ASB14: variants seen among roughly 807,000 people sequenced by gnomAD.
The protein encoded by ASB14 is ankyrin repeat and SOCS box protein 14.
Under a neutral mutation model 55.6 loss-of-function variants are expected in ASB14, and 63 were observed. That is an observed-to-expected ratio of 1.13 (90% CI 0.92 to 1.40). The LOEUF is 1.40. Ranked by LOEUF, ASB14 falls within the 40% of genes most tolerant of loss-of-function variation. ASB14 has a pLI of 0.00. For missense variants in ASB14, 724 were observed against 710.4 expected (o/e 1.02, Z -0.22); for synonymous variants, 256 against 259.9 (o/e 0.98, Z 0.15).
intron 5 of ASB14, among the ~76,000 whole-genome samples, chr3:57,284,437 A>G (rs552169843): frequency 1.3e-5 from 2 of 152,226 alleles, no homozygotes; most frequent in African/African-American, 4.8e-5. Context: ...CCAGCACTAT[A>G]TATTCTATCA....
chr3:57,280,800 T>G (rs1362956237), intron 6 of ASB14, among the ~76,000 whole-genome samples: 3 of 151,876 alleles, frequency 2.0e-5, no homozygotes, highest in Non-Finnish European at 4.4e-5. Flanking sequence ...AAAAGCCCAC[T>G]TAACTCATAA....
At chr3:57,289,253 T>C (rs1405948867) in intron 2 of ASB14, 130 bp from the exon 3 acceptor site, 1 of 636,002 alleles carries the variant, frequency 1.6e-6, no homozygotes, top group East Asian at 2.9e-5. Context: ...AGGCAATGAC[T>C]GAGGCATAAT....
rs143141887 is a variant in ASB14, at chr3:57,278,894, G to A, written c.914C>T (p.Thr305Met). Reference sequence around the variant, plus strand: ...ACTCTGCTTAATGGCAGCAAGATCCGTAACTGGAATCAGTATCTTTAGAGC... The same window carrying A: ...ACTCTGCTTAATGGCAGCAAGATCCATAACTGGAATCAGTATCTTTAGAGC... Reference protein sequence around the residue: ...LLALKILIPVTDLAAIKQSGI... With the variant: ...LLALKILIPVMDLAAIKQSGI... Residue 305 changes from threonine to methionine, a missense_variant, in exon 8 of 11, where the codon ACG (threonine) becomes ATG (methionine). Coordinates refer to ENST00000487349, the MANE Select transcript of ASB14 (RefSeq NM_001142733.3). 1.8e-4 allele frequency: 286 copies of A among 1,613,296 alleles called. No individual in the cohort carries two copies. Among genetic ancestry groups the A allele is most frequent in the African/African-American group, 3.9e-4 (29 of 74,874 alleles).
chr3:57,276,678 T>C lies in ASB14; in HGVS notation c.1636A>G (p.Met546Val). ...GGGCAGCGCAAATGTAACCGTCCCA[T>C]GCATTTCCGGATCTTTAGGCGGCAC... The part of the protein sequence containing the change: ...HLCRLKIRKC[M>V]GRLHLRCPVF... The change falls in exon 10 of 11, where the codon ATG becomes GTG. Residue 546 changes from methionine (M) to valine (V), a missense_variant. Physicochemically the swap from Met to Val is conservative, Grantham distance 21. Coordinates refer to ENST00000487349, the MANE Select transcript of ASB14 (RefSeq NM_001142733.3). 1 of 1,614,086 alleles carries C rather than the reference T, an allele frequency of 6.2e-7. No individual in the cohort carries two copies. The highest frequency in any genetic ancestry group is 8.5e-7 in the Non-Finnish European group (1 of 1,179,978).
chr3:57,288,163 G>T lies in ASB14; in HGVS notation c.302C>A (p.Thr101Asn). 6.5e-7 allele frequency: 1 copy of T among 1,537,074 alleles called. No homozygotes were observed. The highest frequency in any genetic ancestry group is 1.2e-5 in the South Asian group (1 of 84,046). Residue 101 changes from threonine (T) to asparagine (N), a missense_variant, in exon 4 of 11, where the codon ACC becomes AAC. By Grantham distance (65) the Thr-to-Asn change is moderately conservative. Coordinates refer to ENST00000487349, the MANE Select transcript of ASB14 (RefSeq NM_001142733.3). ...VQLNRKILEI[T>N]LSASDPSLWE... ...AATCAAAGGGAATTTACCGCTTAGG[G>T]TTATTTCCAAAATTTTCCTATTTAA...
At chr3:57,290,083 G>C (rs962317235) in intron 2 of ASB14, among the ~76,000 whole-genome samples, 1 of 152,118 alleles carries the variant, frequency 6.6e-6, no homozygotes, top group African/African-American at 2.4e-5. Context: ...TATTGTGTTA[G>C]TTTTCTATAG....
At chr3:57,282,636 C>CA (rs1327964916) in intron 6 of ASB14, among the ~76,000 whole-genome samples, 1 of 152,128 alleles carries the variant, frequency 6.6e-6, no homozygotes, top group Non-Finnish European at 1.5e-5. Flanking sequence ...ACCTACCTCA[C>CA]AGAGTTTTTA....
At chr3:57,274,077 A>G (rs929634267) in intron 10 of ASB14, among the ~76,000 whole-genome samples, 18 of 152,174 alleles carry the variant, frequency 1.2e-4, no homozygotes, top group African/African-American at 4.1e-4. Context: ...AGCTATATAA[A>G]TTTTTTAATG....
intron 10 of ASB14, among the ~76,000 whole-genome samples, chr3:57,275,884 A>T (rs2107619459): frequency 6.6e-6 from 1 of 152,318 alleles, no homozygotes; most frequent in East Asian, 1.9e-4. Context: ...AAAAATAAGC[A>T]TTATAATCTT....
chr3:57,291,851 G>A (rs2061134058), intron 2 of ASB14, 61 bp downstream of exon 2: 3 of 1,393,230 alleles, frequency 2.2e-6, no homozygotes, highest in Non-Finnish European at 2.9e-6. Context: ...TTAAGCTAAT[G>A]ACAAGTGTCA....
At chr3:57,291,128 TA>T in intron 2 of ASB14, among the ~76,000 whole-genome samples, 1 of 152,318 alleles carries the variant, frequency 6.6e-6, no homozygotes, top group East Asian at 1.9e-4. Flanking sequence ...ACATGACACA[TA>T]GTGATCACTC....
rs1297498046 is a variant in ASB14, at chr3:57,269,413, C to CAAGT, written c.*224_*227dup. 1 of 866,684 alleles carries CAAGT rather than the reference C, an allele frequency of 1.2e-6. No individual in the cohort carries two copies. Among genetic ancestry groups the CAAGT allele is most frequent in the African/African-American group, 1.7e-5 (1 of 57,674 alleles). 53.7% of individuals were successfully genotyped at this position (866,684 alleles called of 1,614,324 possible). On this transcript the variant is annotated 3_prime_UTR_variant, in exon 11 of 11. Coordinates refer to ENST00000487349, the MANE Select transcript of ASB14 (RefSeq NM_001142733.3). Reference sequence around the variant, plus strand: ...GTTTGGGTGTAGCTTTTCTTTTTATCAAGTTGTCAGAAGTATGCATACATA... The same window carrying CAAGT: ...GTTTGGGTGTAGCTTTTCTTTTTATCAAGTAAGTTGTCAGAAGTATGCATACATA...
chr3:57,290,846 C>A (rs1311248700), intron 2 of ASB14, among the ~76,000 whole-genome samples: 4 of 152,310 alleles, frequency 2.6e-5, no homozygotes, highest in Non-Finnish European at 4.4e-5. Context: ...AGGCTAATTT[C>A]TTTACAAAAC....
At chr3:57,283,923 G>C (rs1299395638) in intron 5 of ASB14, among the ~76,000 whole-genome samples, 1 of 151,996 alleles carries the variant, frequency 6.6e-6, no homozygotes, top group African/African-American at 2.4e-5. Context: ...TGGTGGGAGT[G>C]GTTGAGGCCA....
At chr3:57,278,261 T>TA in intron 8 of ASB14, 116 bp downstream of exon 8, 1 of 708,710 alleles carries the variant, frequency 1.4e-6, no homozygotes, top group Non-Finnish European at 2.3e-6. Context: ...ATAATTATTA[T>TA]ACTAGGATCT....
chr3:57,283,177 C>A lies in ASB14; in HGVS notation c.715+17G>T. The A allele has an allele frequency of 6.4e-7, 1 of 1,551,954 alleles. No homozygotes were observed. The highest frequency in any genetic ancestry group is 1.2e-5 in the South Asian group (1 of 83,974). ...TGTTACCCTTTGTTAGTGTGCTGAC[C>A]AAACAGAAGATCTTGCCTTTCCGCA... On this transcript the variant is annotated intron_variant, in intron 6 of 10. Transcript: ENST00000487349.
chr3:57,273,458 GT>G (rs1038622332), intron 10 of ASB14: 11 of 152,480 alleles, frequency 7.2e-5, no homozygotes, highest in African/African-American at 2.2e-4. Context: ...TTTGTACAGT[GT>G]TTTTTAATGA....
At chr3:57,275,225 C>T (rs370610655) in intron 10 of ASB14, among the ~76,000 whole-genome samples, 21 of 152,156 alleles carry the variant, frequency 1.4e-4, no homozygotes, top group East Asian at 7.8e-4. Context: ...CCAAGGCGGG[C>T]GGATCACCTG....
rs750773370 is a variant in ASB14 at position 57,288,916 on chromosome 3, C to T, written c.178+152G>A. 1.6e-5 allele frequency: 8 copies of T among 511,716 alleles called. No individual in the cohort carries two copies. The Admixed American group carries it at 2.6e-4, about 17-fold the overall frequency. 31.7% of individuals were successfully genotyped at this position (511,716 alleles called of 1,614,324 possible). ...TTTTTAGTAGAGACAGGGGGTTTCA[C>T]CATGTTGGCCAGGCTGGTCTCGAAC... On this transcript the variant is annotated intron_variant, in intron 3 of 10. Transcript: ENST00000487349.
Sources: gnomAD v4.1 joint callset for allele counts (sites outside exome capture counted in the v4.1 genomes callset) on GRCh38, gnomAD v4.1.1 for gene constraint, MANE v1.5 for transcripts, NCBI Gene and HGNC (gene_info 2026-07-23, HGNC 2026-07-21) for gene names.